Variants in ZFR2 observed in about 807,000 individuals in gnomAD.
The protein encoded by ZFR2 is zinc finger RNA binding protein 2.
Under a neutral mutation model 105.7 loss-of-function variants are expected in ZFR2, and 104 were observed. The ratio of observed to expected loss-of-function variants is 0.98; its 90% CI spans 0.84 to 1.16. ZFR2 has a LOEUF of 1.16. ZFR2 is among the 50% of genes most tolerant of loss of function. The probability of loss-of-function intolerance (pLI) is 0.00; values close to 1 mark genes in which losing one functional copy is unlikely to be tolerated. For missense variants in ZFR2, 1,425 were observed against 1,355.5 expected (o/e 1.05, Z -0.80); for synonymous variants, 634 against 597.7 (o/e 1.06, Z -0.89).
rs753915204 is a variant in ZFR2 at position 3,834,937 on chromosome 19, T to G, written c.100A>C (p.Thr34Pro). 6.2e-7 allele frequency: 1 copy of G among 1,611,622 alleles called. No individual in the cohort carries two copies. Reference sequence around the variant, plus strand: ...TCCATCCCAGGAGTGGGTTGTGCAGTATAGCTGGCCCCCACAGTGGGCAGG... The same window carrying G: ...TCCATCCCAGGAGTGGGTTGTGCAGGATAGCTGGCCCCCACAGTGGGCAGG... ...LPLPTVGASY[T>P]AQPTPGMDPA... is the part of the protein sequence containing the mutation. Residue 34 changes from threonine (T) to proline (P), a missense_variant, in exon 2 of 19, where the codon ACT (threonine) becomes CCT (proline). Coordinates refer to ENST00000262961, the MANE Select transcript of ZFR2 (RefSeq NM_015174.2). This position sits in a 1 kb window ranked among gnomAD's most constrained non-coding sequence, Gnocchi z 5.3.
At position 3,819,165 on chromosome 19, in the gene ZFR2, TC is replaced by T; in HGVS notation, c.1810del (p.Glu604SerfsTer50). Reference sequence around the variant, plus strand: ...CCTCTGCACGGCCAGGAGCTCCTGCTCCGTGGGGTAGATGGTGGCGTGCTTG... The same window carrying T: ...CCTCTGCACGGCCAGGAGCTCCTGCTCGTGGGGTAGATGGTGGCGTGCTTG... ...MCKHATIYPT[E>X]QELLAVQRAV... On this transcript the variant is annotated frameshift_variant, in exon 12 of 19. Coordinates refer to ENST00000262961, the MANE Select transcript of ZFR2 (RefSeq NM_015174.2). LOFTEE classifies it high-confidence loss of function. The T allele has an allele frequency of 1.9e-6, 3 of 1,601,740 alleles. No homozygotes were observed. The highest frequency in any genetic ancestry group is 2.5e-6 in the Non-Finnish European group (3 of 1,177,432).
intron 1 of ZFR2, among the ~76,000 whole-genome samples, chr19:3,837,070 A>G (rs1433623837): frequency 1.3e-5 from 2 of 152,210 alleles, no homozygotes; most frequent in Admixed American, 6.5e-5. Context: ...CAGGTGAGTC[A>G]TCCGCAGTGT....
At chr19:3,815,621 G>C (rs2037816941) in intron 13 of ZFR2, among the ~76,000 whole-genome samples, 1 of 152,120 alleles carries the variant, frequency 6.6e-6, no homozygotes, top group Non-Finnish European at 1.5e-5. Flanking sequence ...GTTTTGCTCT[G>C]TTGCCCGGGC....
At position 3,827,577 on chromosome 19, in the gene ZFR2, C is replaced by A; in HGVS notation, c.929G>T (p.Gly310Val). The A allele has an allele frequency of 6.4e-7, 1 of 1,572,484 alleles. No homozygotes were observed. The highest frequency in any genetic ancestry group is 8.6e-7 in the Non-Finnish European group (1 of 1,159,372). ...CTGCGCCTGCACCCCGCGCGGGCTC[C>A]CGTTGGGCTGCACGCCTGTCTTCTG... ...AAQKTGVQPN[G>V]SPRGVQAQLH... The change falls in exon 6 of 19, where the codon GGG becomes GTG. Residue 310 changes from glycine to valine, a missense_variant. By Grantham distance (109) the Gly-to-Val change is moderately radical. Coordinates refer to ENST00000262961, the MANE Select transcript of ZFR2 (RefSeq NM_015174.2).
chr19:3,854,713 A>G (rs1371955178), intron 1 of ZFR2, among the ~76,000 whole-genome samples: 6 of 152,196 alleles, frequency 3.9e-5, no homozygotes, highest in East Asian at 1.9e-4. Context: ...ACATTCTTGC[A>G]GAGAAAAAGA....
chr19:3,811,223 G>A lies in ZFR2; in HGVS notation c.2337+49C>T, dbSNP rs200970529. The A allele has an allele frequency of 1.8e-4, 265 of 1,485,948 alleles. No individual in the cohort carries two copies. The African/African-American group carries it at 3.5e-3, about 19-fold the overall frequency. The allele number at this position is 1,485,948 out of a possible 1,614,324, so 92.0% of individuals were successfully genotyped here. A position where few individuals can be genotyped will look rare whatever the true frequency, so the allele number is the denominator to read the frequency against. On this transcript the variant is annotated intron_variant, in intron 15 of 18. Transcript: ENST00000262961. ...GGTTGACCTGGTGCCTCTGAGCTAC[G>A]TTCCTCAAAGTCACCCCTCTCCCCC...
intron 1 of ZFR2, among the ~76,000 whole-genome samples, chr19:3,840,214 T>G (rs1226398901): frequency 6.6e-6 from 1 of 151,882 alleles, no homozygotes; most frequent in South Asian, 2.1e-4. Context: ...CAGCCACACG[T>G]GGCTGAGCTC....
At chr19:3,868,499 A>C (rs1289897394) in intron 1 of ZFR2, among the ~76,000 whole-genome samples, 16 of 118,304 alleles carry the variant, frequency 1.4e-4, no homozygotes, top group South Asian at 2.8e-4. Flanking sequence ...GCCCATCCCC[A>C]CCCACTCCCC....
intron 13 of ZFR2, 147 bp downstream of exon 13, chr19:3,816,527 T>C (rs2037825909): frequency 7.8e-7 from 1 of 1,286,766 alleles, no homozygotes; most frequent in Non-Finnish European, 1.0e-6. Context: ...ATTACGGACG[T>C]GAGCCACTGC....
At position 3,816,682 on chromosome 19, in the gene ZFR2, G is replaced by C. The variant is rs753375979; in HGVS notation, c.2095C>G (p.Gln699Glu). Residue 699 changes from glutamine to glutamate, a missense_variant, in exon 13 of 19, where the codon CAG becomes GAG. Physicochemically the swap from Gln to Glu is conservative, Grantham distance 29. Transcript: ENST00000262961. ...CAGGGCCCTGACCTTACCTGGAGCT[G>C]CCGGGGCAGCTGCTGGGCGATCCTC... ...LRRIAQQLPR[Q>E]LQMVTEDEYE... 1.4e-5 allele frequency: 23 copies of C among 1,608,084 alleles called. No homozygotes were observed. The African/African-American group carries it at 2.9e-4, about 21-fold the overall frequency.
rs1029963554 is a variant in ZFR2 at position 3,827,657 on chromosome 19, C to T, written c.853-4G>A. On this transcript the variant is annotated splice_polypyrimidine_tract_variant and splice_region_variant and intron_variant, in intron 5 of 18. Transcript: ENST00000262961. Reference sequence around the variant, plus strand: ...CTCCCAGATGTTCCCGGTAGGTCTGCGGCAAGGGGTGAGAGGCAGCCTGGG... The same window carrying T: ...CTCCCAGATGTTCCCGGTAGGTCTGTGGCAAGGGGTGAGAGGCAGCCTGGG... The T allele has an allele frequency of 1.5e-5, 24 of 1,574,550 alleles. No homozygotes were observed. The highest frequency in any genetic ancestry group is 3.7e-5 in the Admixed American group (2 of 54,394).
chr19:3,852,414 C>A, intron 1 of ZFR2: 2 of 709,010 alleles, frequency 2.8e-6, no homozygotes, highest in Admixed American at 2.0e-5. Context: ...TGTGACTCTT[C>A]TCCTTATATC....
Position 3,831,572 on chromosome 19 carries a change from A to C in ZFR2, c.599-16T>G. ...TAGCTTGGTGCTGAGCAGCAGAGAA[A>C]ACAATGAGTCGGGGGGAGATGCTGA... On this transcript the variant is annotated splice_polypyrimidine_tract_variant and intron_variant, in intron 4 of 18. Coordinates refer to ENST00000262961, the MANE Select transcript of ZFR2 (RefSeq NM_015174.2). 4 of 1,555,584 alleles carry C rather than the reference A, an allele frequency of 2.6e-6. No individual in the cohort carries two copies. Among genetic ancestry groups the C allele is most frequent in the Non-Finnish European group, 3.5e-6 (4 of 1,149,684 alleles).
rs1167792166 is a variant in ZFR2, at chr19:3,833,775, T to C, written c.268A>G (p.Ser90Gly). The C allele has an allele frequency of 2.5e-6, 4 of 1,572,330 alleles. No individual in the cohort carries two copies. Among genetic ancestry groups the C allele is most frequent in the Admixed American group, 3.7e-5 (2 of 53,798 alleles). The stretch of plus-strand genomic sequence containing the variant: ...GCTGCTGACTGTCCGTAGCTGTAAC[T>C]GTCCTATGTGGGGGTTTCGGCAGGA... ...TATTMATYQD[S>G]YSYGQSAAAR... Residue 90 changes from serine (S) to glycine (G), a missense_variant, in exon 3 of 19, where the codon AGT becomes GGT. Coordinates refer to ENST00000262961, the MANE Select transcript of ZFR2 (RefSeq NM_015174.2).
intron 1 of ZFR2, among the ~76,000 whole-genome samples, chr19:3,849,806 T>A (rs1462175945): frequency 6.6e-6 from 1 of 152,166 alleles, no homozygotes; most frequent in Non-Finnish European, 1.5e-5. Context: ...TCAGGCACGC[T>A]ACAGTTTGGA....
chr19:3,807,626 T>C (rs552282680), intron 17 of ZFR2, among the ~76,000 whole-genome samples: 35 of 152,128 alleles, frequency 2.3e-4, no homozygotes, highest in Middle Eastern at 6.8e-3. Flanking sequence ...TTGGCGTATG[T>C]GCATGTGTGC....
chr19:3,847,567 A>G (rs2038196096), intron 1 of ZFR2, among the ~76,000 whole-genome samples: 1 of 152,168 alleles, frequency 6.6e-6, no homozygotes, highest in Non-Finnish European at 1.5e-5. Context: ...AATATTTGTA[A>G]AAAAGAATCA....
Position 3,838,540 on chromosome 19 carries a change from G to T in ZFR2, c.54-3557C>A, listed in dbSNP as rs756568771. ...CCTCCCTCCTCGCCAGCATTTCTTT[G>T]TCCTCCTGGCAGCCAGAGAGGGGTC... On this transcript the variant is annotated intron_variant, in intron 1 of 18. Transcript: ENST00000262961. This position sits in a 1 kb window ranked among gnomAD's most constrained non-coding sequence, Gnocchi z 4.9. 6.6e-6 allele frequency among the ~76,000 whole-genome samples: 1 copy of T among 152,020 alleles called. No homozygotes were observed. The highest frequency in any genetic ancestry group is 1.5e-5 in the Non-Finnish European group (1 of 68,000).
At position 3,811,186 on chromosome 19, in the gene ZFR2, G is replaced by A. The variant is rs908475679; in HGVS notation, c.2337+86C>T. 37 of 1,335,662 alleles carry A rather than the reference G, an allele frequency of 2.8e-5. No individual in the cohort carries two copies. The Admixed American group carries it at 7.3e-4, about 26-fold the overall frequency. 82.7% of individuals were successfully genotyped at this position (1,335,662 alleles called of 1,614,324 possible). A position where few individuals can be genotyped will look rare whatever the true frequency, so the allele number is the denominator to read the frequency against. On this transcript the variant is annotated intron_variant, in intron 15 of 18. Transcript: ENST00000262961. ...TGCGCTGGGAGCCCACGGGGCTGAGGCGGCCGCGCCGGGTTGACCTGGTGC... is the reference window on the plus strand; with the variant it reads ...TGCGCTGGGAGCCCACGGGGCTGAGACGGCCGCGCCGGGTTGACCTGGTGC...
Sources: allele counts gnomAD v4.1 joint callset (sites outside exome capture counted in the v4.1 genomes callset), GRCh38; gene constraint gnomAD v4.1.1; non-coding constraint Gnocchi (gnomAD v3.1); transcripts MANE v1.5; gene names NCBI Gene and HGNC (gene_info 2026-07-23, HGNC 2026-07-21).